The following IQGAP1 variants were observed in gnomAD, a reference collection of about 807,000 sequenced individuals.
IQGAP1 encodes ras GTPase-activating-like protein IQGAP1.
IQGAP1 carries 66 observed loss-of-function variants against 215.6 expected under a neutral mutation model. The ratio of observed to expected loss-of-function variants is 0.31; its 90% CI spans 0.25 to 0.38. IQGAP1 has a LOEUF of 0.38. Ranked by LOEUF, IQGAP1 falls within the 10% of genes least tolerant of loss-of-function variation. The pLI is 1.00. For synonymous variants in IQGAP1, 772 were observed against 728.7 expected (o/e 1.06, Z -0.96); for missense variants, 1,712 against 1,997.1 (o/e 0.86, Z 2.72).
chr15:90,441,708 TC>T, intron 8 of IQGAP1, 24 bp downstream of exon 8: 1 of 1,508,950 alleles, frequency 6.6e-7, no homozygotes, highest in Non-Finnish European at 9.1e-7. Context: ...ATCTATTCTT[TC>T]TAATTAATTT....
chr15:90,427,494 C>T (rs985300262), intron 3 of IQGAP1, among the ~76,000 whole-genome samples: 7 of 152,146 alleles, frequency 4.6e-5, no homozygotes, highest in Admixed American at 3.9e-4. Flanking sequence ...AATCCCAGCA[C>T]TTTGGGAGGT....
intron 26 of IQGAP1, among the ~76,000 whole-genome samples, 186 bp downstream of exon 26, chr15:90,478,075 T>C (rs1221915117): frequency 6.6e-6 from 1 of 152,148 alleles, no homozygotes; most frequent in Non-Finnish European, 1.5e-5. Context: ...CACTGCAGCC[T>C]CCACCTCCCA....
chr15:90,485,067 G>A (rs1208824965), intron 30 of IQGAP1, among the ~76,000 whole-genome samples: 3 of 151,946 alleles, frequency 2.0e-5, no homozygotes, highest in African/African-American at 4.8e-5. Flanking sequence ...GTGTAGCCTT[G>A]GAGTGGATTT....
Position 90,486,035 on chromosome 15 carries a change from G to A in IQGAP1, c.3927G>A (p.Leu1309=). The A allele has an allele frequency of 1.2e-6, 2 of 1,613,486 alleles. No homozygotes were observed. Among genetic ancestry groups the A allele is most frequent in the Non-Finnish European group, 1.7e-6 (2 of 1,179,618 alleles). The change falls in exon 31 of 38, where the codon CTG becomes CTA. Residue 1309 remains leucine, a synonymous_variant. Coordinates refer to ENST00000268182, the MANE Select transcript of IQGAP1 (RefSeq NM_003870.4). The part of the protein sequence containing the change: ...IGEIINTHTL[L]LDHQDAIAPE... ...TTGATCATTGGTGTTTGCAGCTCCT[G>A]TTGGATCACCAGGATGCCATTGCTC...
intron 15 of IQGAP1, among the ~76,000 whole-genome samples, chr15:90,459,880 T>C (rs562241890): frequency 6.6e-6 from 1 of 152,324 alleles, no homozygotes; most frequent in African/African-American, 2.4e-5. Context: ...TTGTGTTTGG[T>C]TTTGGTATCA....
At chr15:90,420,874 C>A (rs529637789) in intron 2 of IQGAP1, among the ~76,000 whole-genome samples, 1 of 152,288 alleles carries the variant, frequency 6.6e-6, no homozygotes, top group East Asian at 1.9e-4. Flanking sequence ...CTTTATAGGC[C>A]GGGCACAGTG....
At chr15:90,419,111 C>T (rs1310192230) in intron 2 of IQGAP1, among the ~76,000 whole-genome samples, 2 of 146,692 alleles carry the variant, frequency 1.4e-5, no homozygotes, top group Non-Finnish European at 3.0e-5. Flanking sequence ...GCCATGATCA[C>T]ACCACTACAT....
chr15:90,468,617 G>A (rs903871053), intron 18 of IQGAP1, among the ~76,000 whole-genome samples: 5 of 152,126 alleles, frequency 3.3e-5, no homozygotes, highest in Admixed American at 6.6e-5. Flanking sequence ...GACTGCTTGA[G>A]CCCAGGAGTT....
intron 5 of IQGAP1, among the ~76,000 whole-genome samples, chr15:90,437,526 ATTAG>A (rs976162173): frequency 1.6e-4 from 25 of 152,220 alleles, no homozygotes; most frequent in African/African-American, 5.5e-4. Flanking sequence ...ATAGAAAGTT[ATTAG>A]TTATTTTGCT....
chr15:90,434,738 C>T (rs538817563), intron 5 of IQGAP1, among the ~76,000 whole-genome samples: 17 of 152,160 alleles, frequency 1.1e-4, no homozygotes, highest in Non-Finnish European at 1.6e-4. Context: ...ACCAGTTGAG[C>T]ATGCCAAATC....
At chr15:90,451,397 C>T (rs1266565056) in intron 11 of IQGAP1, among the ~76,000 whole-genome samples, 2 of 152,168 alleles carry the variant, frequency 1.3e-5, no homozygotes, top group East Asian at 1.9e-4. Flanking sequence ...CAAGTGGGCT[C>T]ATGTGAAGAG....
At chr15:90,439,545 G>T (rs1965419346) in intron 6 of IQGAP1, 146 bp downstream of exon 6, 3 of 568,494 alleles carry the variant, frequency 5.3e-6, no homozygotes, top group Non-Finnish European at 9.4e-6. Flanking sequence ...CTTCTCTAAT[G>T]TGGGGTAAAG....
rs754640071 is a variant in IQGAP1 at position 90,500,158 on chromosome 15, A to G, written c.*50A>G. ...AGGATGAAGGAAAGAAGCACCTCACAGCTCCTTTCTAGGTCCTTCTTTCCT... is the reference window on the plus strand; with the variant it reads ...AGGATGAAGGAAAGAAGCACCTCACGGCTCCTTTCTAGGTCCTTCTTTCCT... On this transcript the variant is annotated 3_prime_UTR_variant, in exon 38 of 38. Transcript: ENST00000268182. The G allele has an allele frequency of 1.1e-5, 11 of 1,038,372 alleles. No homozygotes were observed. The Admixed American group carries it at 1.9e-4, about 18-fold the overall frequency. The allele number at this position is 1,038,372 out of a possible 1,614,324, so 64.3% of individuals were successfully genotyped here.
rs1966160501 is a variant in IQGAP1, at chr15:90,488,439, AAACCATGAATGTGTAGGGTTCACTGC to A, written c.4248+860_4248+885del. On this transcript the variant is annotated intron_variant, in intron 33 of 37. Transcript: ENST00000268182. Reference sequence around the variant, plus strand: ...TTTCAAACAGTTTCAGGGTTGGTTGAAACCATGAATGTGTAGGGTTCACTGCAATTTATTGAATATTATATATTTTG... The same window carrying A: ...TTTCAAACAGTTTCAGGGTTGGTTGAAATTTATTGAATATTATATATTTTG... Among the ~76,000 whole-genome samples, 4 of 152,102 alleles carry A rather than the reference AAACCATGAATGTGTAGGGTTCACTGC, an allele frequency of 2.6e-5. No individual in the cohort carries two copies. In the South Asian group the frequency reaches 8.3e-4, roughly 32 times the overall value.
rs1966000635 is a variant in IQGAP1 at position 90,477,769 on chromosome 15, A to G, written c.3209A>G (p.Gln1070Arg). 1 of 1,613,586 alleles carries G rather than the reference A, an allele frequency of 6.2e-7. No homozygotes were observed. The highest frequency in any genetic ancestry group is 8.5e-7 in the Non-Finnish European group (1 of 1,179,606). ...GCCCGTGGCCAGAATGCCCTGAGAC[A>G]GATCTTGGCCCCAGTCGTGAAGGAA... ...RGARGQNALR[Q>R]ILAPVVKEIM... The change falls in exon 26 of 38, where the codon CAG (glutamine) becomes CGG (arginine). Residue 1070 changes from glutamine (Q) to arginine (R), a missense_variant. Transcript: ENST00000268182.
Position 90,440,613 on chromosome 15 carries a change from C to T in IQGAP1, c.647C>T (p.Ala216Val). 1 of 1,554,812 alleles carries T rather than the reference C, an allele frequency of 6.4e-7. No individual in the cohort carries two copies. The highest frequency in any genetic ancestry group is 8.7e-7 in the Non-Finnish European group (1 of 1,147,098). ...AATGAACTGTCAGTGGATGAAGCCG[C>T]ATGTAAGAAGAGAGAAATTTTGTGG... ...LANELSVDEA[A>V]LHAAVIAINE... Residue 216 changes from alanine to valine, a missense_variant and splice_region_variant, in exon 7 of 38, where the codon GCA (alanine) becomes GTA (valine). By Grantham distance (64) the Ala-to-Val change is moderately conservative. This residue lies in a region of IQGAP1 where 1,021 missense variants were observed against 1,074.2 expected (regional missense o/e 0.95). Coordinates refer to ENST00000268182, the MANE Select transcript of IQGAP1 (RefSeq NM_003870.4).
rs1653071928 is a variant in IQGAP1 at position 90,474,795 on chromosome 15, C to T, written c.2784+102C>T. ...TGGGGAGGGTGGAGGCTGACTTTCTCCTCAGCTACTGCCATAAGAGCTTTT... is the reference window on the plus strand; with the variant it reads ...TGGGGAGGGTGGAGGCTGACTTTCTTCTCAGCTACTGCCATAAGAGCTTTT... On this transcript the variant is annotated intron_variant, in intron 23 of 37. Transcript: ENST00000268182. 17 of 861,776 alleles carry T rather than the reference C, an allele frequency of 2.0e-5. No homozygotes were observed. The South Asian group carries it at 2.3e-4, about 12-fold the overall frequency. 53.4% of individuals were successfully genotyped at this position (861,776 alleles called of 1,614,324 possible).
At chr15:90,471,804 G>A (rs1461869004) in intron 18 of IQGAP1, among the ~76,000 whole-genome samples, 6 of 149,052 alleles carry the variant, frequency 4.0e-5, no homozygotes, top group African/African-American at 7.5e-5. Flanking sequence ...CTGGCCACTC[G>A]TGGAGTCTTT....
Position 90,465,675 on chromosome 15 carries a change from TTGTTTG to T in IQGAP1, c.1777-324_1777-319del, listed in dbSNP as rs1235104382. Among the ~76,000 whole-genome samples, 4 of 52,204 alleles carry T rather than the reference TTGTTTG, an allele frequency of 7.7e-5. No homozygotes were observed. The South Asian group carries it at 2.8e-3, about 36-fold the overall frequency. The allele number at this position is 52,204 out of a possible 152,430, so 34.2% of individuals were successfully genotyped here. On this transcript the variant is annotated intron_variant, in intron 15 of 37. Coordinates refer to ENST00000268182, the MANE Select transcript of IQGAP1 (RefSeq NM_003870.4). ...ACCACCATGCCTGGCCAAGCTATGTTTGTTTGTTTGTTTGTTTGTTTGTTTGTTTGT... is the reference window on the plus strand; with the variant it reads ...ACCACCATGCCTGGCCAAGCTATGTTTTTGTTTGTTTGTTTGTTTGTTTGT...
Sources: gnomAD v4.1 joint callset for allele counts (sites outside exome capture counted in the v4.1 genomes callset) on GRCh38, gnomAD v4.1.1 for gene constraint, gnomAD v4.1.1 regional missense constraint, MANE v1.5 for transcripts, NCBI Gene and HGNC (gene_info 2026-07-23, HGNC 2026-07-21) for gene names.